USP34: variants seen among roughly 807,000 people sequenced by gnomAD.
USP34 encodes the protein ubiquitin specific peptidase 34.
A neutral mutation model predicts 460.3 loss-of-function variants in USP34; 70 were observed. The ratio of observed to expected loss-of-function variants is 0.15; its 90% confidence interval spans 0.13 to 0.19. The LOEUF (loss-of-function observed/expected upper bound fraction) is 0.19, where lower values mean the gene tolerates loss of function less well. Ranked by LOEUF, USP34 falls within the 10% of genes least tolerant of loss-of-function variation. The pLI is 1.00. For synonymous variants in USP34, 1,647 were observed against 1,405.3 expected (o/e 1.17, Z -3.85); for missense variants, 3,985 against 4,236.2 (o/e 0.94, Z 1.65).
chr2:61,272,605 T>C (rs902208575), intron 41 of USP34, among the ~76,000 whole-genome samples: 7 of 152,104 alleles, frequency 4.6e-5, no homozygotes, highest in African/African-American at 7.2e-5. Context: ...CATTTGCCCT[T>C]TGAGTTTGCC....
Position 61,380,344 on chromosome 2 carries a change from G to A in USP34, c.839C>T (p.Ser280Leu). Reference sequence around the variant, plus strand: ...TGCACTCTGTCGTAACTCCTGATCCGAGAGCTTGCATAAATACCTGAAATG... The same window carrying A: ...TGCACTCTGTCGTAACTCCTGATCCAAGAGCTTGCATAAATACCTGAAATG... The part of the protein sequence containing the change: ...TYVIRYLCKL[S>L]DQELRQSAAR... Residue 280 changes from serine (S) to leucine (L), a missense_variant, in exon 7 of 80, where the codon TCG becomes TTG. Physicochemically the swap from Ser to Leu is moderately radical, Grantham distance 145 (BLOSUM62 -2). Around this residue, in one of 14 missense-constraint regions of USP34, gnomAD observed 70 missense variants for 109.5 expected, o/e 0.64. Transcript: ENST00000398571. 1 of 1,605,606 alleles carries A rather than the reference G, an allele frequency of 6.2e-7. No homozygotes were observed. Among genetic ancestry groups the A allele is most frequent in the Non-Finnish European group, 8.5e-7 (1 of 1,176,404 alleles).
At chr2:61,275,404 G>A (rs1689342416) in intron 41 of USP34, among the ~76,000 whole-genome samples, 1 of 152,126 alleles carries the variant, frequency 6.6e-6, no homozygotes, top group African/African-American at 2.4e-5. Flanking sequence ...ATCACTTAAG[G>A]GCAGGAGTTT....
chr2:61,417,987 T>C (rs1175377259), intron 2 of USP34, among the ~76,000 whole-genome samples: 1 of 151,058 alleles, frequency 6.6e-6, no homozygotes, highest in Non-Finnish European at 1.5e-5. Context: ...GTGATCCACC[T>C]CCCTGGGCCT....
chr2:61,337,485 C>T (rs1691459104), intron 18 of USP34, among the ~76,000 whole-genome samples: 1 of 152,006 alleles, frequency 6.6e-6, no homozygotes, highest in Admixed American at 6.6e-5. Flanking sequence ...CAAGGTCTCA[C>T]TCTGTTGCTC....
intron 57 of USP34, among the ~76,000 whole-genome samples, chr2:61,233,297 A>G (rs530097347): frequency 6.6e-6 from 1 of 152,230 alleles, no homozygotes; most frequent in Non-Finnish European, 1.5e-5. Context: ...AACATGTTAA[A>G]CACCACCAGG....
chr2:61,236,275 G>A, intron 54 of USP34, 39 bp from the exon 55 acceptor site: 2 of 1,593,992 alleles, frequency 1.3e-6, no homozygotes, highest in Non-Finnish European at 1.7e-6. Context: ...TCACACGTAA[G>A]ATTTTTTTAA....
intron 2 of USP34, among the ~76,000 whole-genome samples, chr2:61,407,922 C>T (rs1251042856): frequency 1.3e-5 from 2 of 152,082 alleles, no homozygotes; most frequent in African/African-American, 2.4e-5. Context: ...CGAGATCAGC[C>T]TGGTCAACAT....
chr2:61,213,445 G>C (rs1169471389), intron 68 of USP34, among the ~76,000 whole-genome samples: 5 of 152,164 alleles, frequency 3.3e-5, no homozygotes, highest in Admixed American at 6.5e-5. Context: ...GTTTACAACA[G>C]AGAATAAGAG....
At chr2:61,203,105 T>C (rs1687023427) in intron 75 of USP34, 35 bp downstream of exon 75, 1 of 1,509,480 alleles carries the variant, frequency 6.6e-7, no homozygotes, top group African/African-American at 1.4e-5. Context: ...CTTAAAATAA[T>C]TCAGTGGAAT....
At chr2:61,315,395 C>T (rs1024791587) in intron 23 of USP34, among the ~76,000 whole-genome samples, 1 of 149,062 alleles carries the variant, frequency 6.7e-6, no homozygotes, top group Non-Finnish European at 1.5e-5. Flanking sequence ...TTTTTGAGAA[C>T]AGAGTCTCAC....
intron 43 of USP34, among the ~76,000 whole-genome samples, chr2:61,262,706 G>T (rs1688928593): frequency 6.6e-6 from 1 of 152,116 alleles, no homozygotes; most frequent in African/African-American, 2.4e-5. Context: ...ATACCCAATG[G>T]AATAGCTGAG....
chr2:61,280,682 C>T (rs1014446443), intron 38 of USP34, among the ~76,000 whole-genome samples: 2 of 151,966 alleles, frequency 1.3e-5, no homozygotes, highest in African/African-American at 4.8e-5. Context: ...TATTAGAAGC[C>T]TTTTAAAGAC....
intron 41 of USP34, 92 bp from the exon 42 acceptor site, chr2:61,266,259 T>C: frequency 8.1e-7 from 1 of 1,230,152 alleles, no homozygotes; most frequent in East Asian, 2.5e-5. Flanking sequence ...AGGCTACAAT[T>C]AAGCTACTCA....
chr2:61,271,518 T>C (rs1433560702), intron 41 of USP34, among the ~76,000 whole-genome samples: 1 of 152,120 alleles, frequency 6.6e-6, no homozygotes, highest in Non-Finnish European at 1.5e-5. Context: ...ACATAGTTTT[T>C]AGACACTATG....
intron 20 of USP34, among the ~76,000 whole-genome samples, chr2:61,329,862 G>C (rs1206510515): frequency 1.3e-5 from 2 of 152,160 alleles, no homozygotes; most frequent in African/African-American, 4.8e-5. Flanking sequence ...TAAAATAATA[G>C]ATTAATAACC....
intron 19 of USP34, among the ~76,000 whole-genome samples, chr2:61,333,336 T>C (rs1007526302): frequency 5.9e-5 from 9 of 152,088 alleles, no homozygotes; most frequent in Admixed American, 2.6e-4. Flanking sequence ...GCAGAATGCA[T>C]AGCAGTTGAA....
chr2:61,306,572 T>C (rs1690411529), intron 27 of USP34, among the ~76,000 whole-genome samples: 1 of 152,206 alleles, frequency 6.6e-6, no homozygotes. Context: ...TGGTTTCATA[T>C]GAACTTTAAA....
intron 27 of USP34, among the ~76,000 whole-genome samples, chr2:61,305,087 A>T (rs1276479732): frequency 6.6e-6 from 1 of 152,174 alleles, no homozygotes; most frequent in African/African-American, 2.4e-5. Flanking sequence ...GCACTTTGGG[A>T]GGCCGAGGTG....
At chr2:61,383,599 A>G (rs567588818) in intron 5 of USP34, among the ~76,000 whole-genome samples, 5 of 152,058 alleles carry the variant, frequency 3.3e-5, no homozygotes, top group Admixed American at 2.0e-4. Flanking sequence ...GCTACTTGAG[A>G]GGCTGAGGCA....
Sources: gnomAD v4.1 joint callset for allele counts (sites outside exome capture counted in the v4.1 genomes callset) on GRCh38, gnomAD v4.1.1 for gene constraint, gnomAD v4.1.1 regional missense constraint, MANE v1.5 for transcripts, NCBI Gene and HGNC (gene_info 2026-07-23, HGNC 2026-07-21) for gene names.